The following NEBL variants were observed in gnomAD, a reference collection of about 807,000 sequenced individuals.
NEBL encodes LIM and SH3 protein 2.
A neutral mutation model predicts 140.2 loss-of-function variants in NEBL; 122 were observed. The observed-to-expected ratio is 0.87, with a 90% CI of 0.75 to 1.01. The LOEUF (loss-of-function observed/expected upper bound fraction) is 1.01, where lower values mean the gene tolerates loss of function less well. Ranked by LOEUF, NEBL falls within the 50% of genes least tolerant of loss-of-function variation. NEBL has a pLI of 0.00. For missense variants in NEBL, 1,365 were observed against 1,231.3 expected (o/e 1.11, Z -1.62); for synonymous variants, 436 against 398.9 (o/e 1.09, Z -1.11).
chr10:20,881,455 A>G lies in NEBL; in HGVS notation c.370-551T>C, dbSNP rs147983108. Among the ~76,000 whole-genome samples the G allele has an allele frequency of 1.8e-3, 269 of 152,308 alleles. 5 individuals carry two copies. The East Asian group carries it at 0.047, about 27-fold the overall frequency. ...TGGACCAGTGCCATCCATTACCACC[A>G]TGTTGAATTTCCTCCATACTAGGAT... On this transcript the variant is annotated intron_variant, in intron 4 of 27. Transcript: ENST00000377122.
At chr10:21,035,385 A>G (rs1833973329) in intron 2 of NEBL, among the ~76,000 whole-genome samples, 1 of 151,886 alleles carries the variant, frequency 6.6e-6, no homozygotes, top group African/African-American at 2.4e-5. Context: ...AAAATGAACT[A>G]AGCATTGTGT....
At chr10:21,056,053 G>C (rs1189023219) in intron 2 of NEBL, among the ~76,000 whole-genome samples, 1 of 152,304 alleles carries the variant, frequency 6.6e-6, no homozygotes, top group East Asian at 1.9e-4. Flanking sequence ...AGAGTAGAGT[G>C]AAATAGAAAG....
chr10:21,120,243 C>T (rs1266903802), intron 2 of NEBL, among the ~76,000 whole-genome samples: 2 of 151,096 alleles, frequency 1.3e-5, no homozygotes, highest in African/African-American at 4.9e-5. Context: ...TGCATGATGG[C>T]ATGTGCCTAT....
chr10:20,878,882 AAAT>A (rs1202552603), intron 5 of NEBL, among the ~76,000 whole-genome samples: 3 of 152,184 alleles, frequency 2.0e-5, no homozygotes, highest in African/African-American at 7.2e-5. Flanking sequence ...GGCAGAGTTA[AAAT>A]AATAAGCCCA....
rs532785903 is a variant in NEBL, at chr10:21,125,822, T to C, written c.164+46561A>G. On this transcript the variant is annotated intron_variant, in intron 2 of 6. Transcript: ENST00000417816. ...GGTATAAGACAGTGTCCTTCAGACA[T>C]TTACAAAAAAGTCATTTTCAGCACC... 22 of 1,603,706 alleles carry C rather than the reference T, an allele frequency of 1.4e-5. No homozygotes were observed. The Admixed American group carries it at 3.7e-4, about 27-fold the overall frequency.
intron 3 of NEBL, among the ~76,000 whole-genome samples, chr10:21,227,711 T>TTCCTTCTTCTTC (rs1456600511): frequency 2.2e-5 from 1 of 46,424 alleles, no homozygotes; most frequent in Non-Finnish European, 5.0e-5. Flanking sequence ...CTTCTTCTTC[T>TTCCTTCTTCTTC]TTCTTCTTCT....
intron 19 of NEBL, among the ~76,000 whole-genome samples, chr10:20,821,620 C>A (rs544427191): frequency 6.6e-6 from 1 of 152,308 alleles, no homozygotes; most frequent in African/African-American, 2.4e-5. Context: ...AGTCACCCTT[C>A]TTTTGGAAGA....
upstream of NEBL, chr10:20,899,397 C>G (rs1847745855): frequency 7.7e-7 from 1 of 1,303,624 alleles, no homozygotes; most frequent in Non-Finnish European, 1.0e-6. Context: ...GCTTGCAGTG[C>G]AGTTATTTCT....
chr10:20,900,694 T>A (rs788980), upstream of NEBL, among the ~76,000 whole-genome samples: 36,301 of 142,628 alleles, frequency 0.25, 4,691 homozygotes, highest in East Asian at 0.42. Context: ...ATTAGCCGAG[T>A]GTGATGGCAG....
intron 16 of NEBL, among the ~76,000 whole-genome samples, chr10:20,829,915 G>T (rs1005584014): frequency 3.3e-5 from 5 of 152,158 alleles, no homozygotes; most frequent in Non-Finnish European, 7.3e-5. Context: ...TGCTCAGGAG[G>T]TATTTACCTA....
intron 3 of NEBL, among the ~76,000 whole-genome samples, chr10:21,241,589 A>T (rs1288551616): frequency 6.6e-6 from 1 of 152,172 alleles, no homozygotes; most frequent in African/African-American, 2.4e-5. Flanking sequence ...TTTGTGCTTC[A>T]TTGTCATGTT....
intron 4 of NEBL, among the ~76,000 whole-genome samples, chr10:20,887,138 T>G (rs1846593731): frequency 6.6e-6 from 1 of 152,214 alleles, no homozygotes; most frequent in Admixed American, 6.5e-5. Context: ...GAAAGTCTGT[T>G]TTAGGAAATG....
At chr10:21,032,430 T>C (rs2131808356) in intron 2 of NEBL, among the ~76,000 whole-genome samples, 1 of 152,310 alleles carries the variant, frequency 6.6e-6, no homozygotes, top group East Asian at 1.9e-4. Flanking sequence ...CCTATCTTCC[T>C]GTAGTGTTGA....
rs751725256 is a variant in NEBL at position 20,826,556 on chromosome 10, G to T, written c.1777-17C>A. ...ATAAAATACCTTTATTATAAGAAAA[G>T]GAAAAGAATAACTAAGCTTGTCAGA... On this transcript the variant is annotated splice_polypyrimidine_tract_variant and intron_variant, in intron 17 of 27. Transcript: ENST00000377122. 1.3e-6 allele frequency: 2 copies of T among 1,567,036 alleles called. No individual in the cohort carries two copies. The highest frequency in any genetic ancestry group is 1.1e-5 in the South Asian group (1 of 90,024).
intron 26 of NEBL, among the ~76,000 whole-genome samples, chr10:20,802,935 A>G (rs1460509315): frequency 6.6e-6 from 1 of 152,170 alleles, no homozygotes; most frequent in East Asian, 1.9e-4. Flanking sequence ...CGCCATTCTT[A>G]TGACAGATGC....
intron 2 of NEBL, among the ~76,000 whole-genome samples, chr10:21,114,147 T>C (rs540829238): frequency 6.6e-6 from 1 of 152,234 alleles, no homozygotes; most frequent in East Asian, 1.9e-4. Flanking sequence ...CTTCAAAATA[T>C]TTTCTAATTT....
rs1329827454 is a variant in NEBL at position 21,069,810 on chromosome 10, G to A, written c.165-49609C>T. On this transcript the variant is annotated intron_variant, in intron 2 of 6. Transcript: ENST00000417816. Reference sequence around the variant, plus strand: ...ATGTACATTATTATTGTATTCATCTGATCATTATCTAACTGTATCTAATTA... The same window carrying A: ...ATGTACATTATTATTGTATTCATCTAATCATTATCTAACTGTATCTAATTA... The A allele has an allele frequency of 4.6e-5, 16 of 351,328 alleles. No homozygotes were observed. In the East Asian group the frequency reaches 9.9e-4, roughly 22 times the overall value. 21.8% of individuals were successfully genotyped at this position (351,328 alleles called of 1,614,324 possible). A position where few individuals can be genotyped will look rare whatever the true frequency, so the allele number is the denominator to read the frequency against.
chr10:20,825,653 G>T (rs1360792083), intron 18 of NEBL, among the ~76,000 whole-genome samples: 2 of 149,122 alleles, frequency 1.3e-5, no homozygotes, highest in Non-Finnish European at 3.0e-5. Context: ...AACAAAGCAA[G>T]ACTCTGTCTC....
intron 2 of NEBL, among the ~76,000 whole-genome samples, chr10:21,161,202 G>T (rs369556718): frequency 6.6e-6 from 1 of 151,748 alleles, no homozygotes; most frequent in Non-Finnish European, 1.5e-5. Flanking sequence ...TTTATTTTTT[G>T]TTATTTTTTA....
Sources: allele counts gnomAD v4.1 joint callset (sites outside exome capture counted in the v4.1 genomes callset), GRCh38; gene constraint gnomAD v4.1.1; transcripts MANE v1.5; gene names NCBI Gene and HGNC (gene_info 2026-07-23, HGNC 2026-07-21).